The following AEBP2 variants were observed in gnomAD, a reference collection of about 807,000 sequenced individuals.
AEBP2 encodes the protein zinc finger protein AEBP2.
Under a neutral mutation model 50.8 loss-of-function variants are expected in AEBP2, and 10 were observed. The ratio of observed to expected loss-of-function variants is 0.20; its 90% CI spans 0.12 to 0.33. The LOEUF (loss-of-function observed/expected upper bound fraction) is 0.33. Ranked by LOEUF, AEBP2 falls within the 10% of genes least tolerant of loss-of-function variation. The pLI is 1.00. For synonymous variants in AEBP2, 296 were observed against 261.3 expected (o/e 1.13, Z -1.28); for missense variants, 570 against 688.0 (o/e 0.83, Z 1.92).
At chr12:19,449,281 C>A (rs923796936) in intron 1 of AEBP2, among the ~76,000 whole-genome samples, 1 of 151,844 alleles carries the variant, frequency 6.6e-6, no homozygotes, top group Non-Finnish European at 1.5e-5. Flanking sequence ...TTAAACATAC[C>A]ATCTTTGTGT....
chr12:19,513,419 A>C (rs1001231451), intron 6 of AEBP2, among the ~76,000 whole-genome samples: 4 of 152,210 alleles, frequency 2.6e-5, no homozygotes, highest in Non-Finnish European at 5.9e-5. Flanking sequence ...CAAGAATAGA[A>C]TAAATTTCAT....
chr12:19,471,914 A>G (rs1047349489), intron 2 of AEBP2, among the ~76,000 whole-genome samples: 1 of 152,092 alleles, frequency 6.6e-6, no homozygotes, highest in East Asian at 1.9e-4. Context: ...CTTGGCCATT[A>G]GTTTATAAAC....
chr12:19,492,595 A>G (rs191826696), intron 3 of AEBP2, among the ~76,000 whole-genome samples: 8 of 152,056 alleles, frequency 5.3e-5, no homozygotes, highest in African/African-American at 1.7e-4. Context: ...ACAAAATAAA[A>G]TAAAAAAAAT....
chr12:19,496,086 G>T (rs371933175), intron 4 of AEBP2, among the ~76,000 whole-genome samples: 38 of 152,196 alleles, frequency 2.5e-4, no homozygotes, highest in African/African-American at 9.2e-4. Flanking sequence ...TTTAGTCTCA[G>T]TGTATACAGT....
chr12:19,454,858 C>T (rs12230756), intron 1 of AEBP2, among the ~76,000 whole-genome samples: 159 of 152,246 alleles, frequency 1.0e-3, no homozygotes, highest in Admixed American at 1.8e-3. Flanking sequence ...AGAAGACTGC[C>T]GATAAGGCTT....
intron 1 of AEBP2, among the ~76,000 whole-genome samples, chr12:19,428,529 A>G (rs761827479): frequency 6.6e-6 from 1 of 152,220 alleles, no homozygotes; most frequent in African/African-American, 2.4e-5. Flanking sequence ...CAGAAACAAA[A>G]GGCTGGGTGC....
chr12:19,433,161 G>A (rs868392306), intron 1 of AEBP2, among the ~76,000 whole-genome samples: 6 of 152,132 alleles, frequency 3.9e-5, no homozygotes, highest in Non-Finnish European at 7.4e-5. Context: ...CAAGGCAGGC[G>A]GATCATTTGA....
intron 1 of AEBP2, among the ~76,000 whole-genome samples, chr12:19,447,927 A>T (rs1948101525): frequency 6.6e-6 from 1 of 152,240 alleles, no homozygotes; most frequent in South Asian, 2.1e-4. Context: ...TACTTTAAAT[A>T]CAGTTAAACA....
At chr12:19,466,464 A>G (rs1481028515) in intron 2 of AEBP2, among the ~76,000 whole-genome samples, 2 of 152,178 alleles carry the variant, frequency 1.3e-5, no homozygotes, top group African/African-American at 2.4e-5. Flanking sequence ...AAAAAGAACA[A>G]AAAACATTTT....
At chr12:19,439,432 G>GGGGCGC (rs1480487151), upstream of AEBP2, among the ~76,000 whole-genome samples, 3 of 150,894 alleles carry the variant, frequency 2.0e-5, no homozygotes, top group Non-Finnish European at 3.0e-5. Context: ...GGCGGGGGCG[G>GGGGCGC]GGGCGCAGAA....
At chr12:19,462,813 A>G in intron 2 of AEBP2, 96 bp downstream of exon 2, 1 of 1,160,580 alleles carries the variant, frequency 8.6e-7, no homozygotes. Context: ...GTAATTTGGG[A>G]TTATTTTTAC....
At position 19,500,631 on chromosome 12, in the gene AEBP2, AC is replaced by A. The variant is rs1172709952; in HGVS notation, c.1299+414del. On this transcript the variant is annotated intron_variant, in intron 5 of 7. Coordinates refer to ENST00000266508, the MANE Select transcript of AEBP2 (RefSeq NM_153207.5). ...TGTGTACTGCATGGAGCCACCTCTTACCCCACGTACCCATCCAAAGTTTATG... is the reference window on the plus strand; with the variant it reads ...TGTGTACTGCATGGAGCCACCTCTTACCCACGTACCCATCCAAAGTTTATG... 3.3e-5 allele frequency among the ~76,000 whole-genome samples: 5 copies of A among 152,172 alleles called. No homozygotes were observed. The South Asian group carries it at 8.3e-4, about 25-fold the overall frequency.
rs1947905820 is a variant in AEBP2 at position 19,439,678 on chromosome 12, AGG to A, written c.-21_-20del. 1 of 1,509,886 alleles carries A rather than the reference AGG, an allele frequency of 6.6e-7. No individual in the cohort carries two copies. The highest frequency in any genetic ancestry group is 8.8e-7 in the Non-Finnish European group (1 of 1,135,788). The allele number at this position is 1,509,886 out of a possible 1,614,324, so 93.5% of individuals were successfully genotyped here. On this transcript the variant is annotated 5_prime_UTR_variant, in exon 1 of 8. Coordinates refer to ENST00000266508, the MANE Select transcript of AEBP2 (RefSeq NM_153207.5). ...GGAGGCGGCGGTGGGGAGGAGGAGG[AGG>A]AGGAGGAGCAGGCGCCGCCATGGCC...
Position 19,518,467 on chromosome 12 carries a change from A to G in AEBP2, c.*350A>G, listed in dbSNP as rs973920613. On this transcript the variant is annotated 3_prime_UTR_variant, in exon 8 of 8. Transcript: ENST00000266508. ...TTTTTTTCTTTTCTTCCCTTTAGTGATTTCAGTAGTTTATATTGGAAAGAA... is the reference window on the plus strand; with the variant it reads ...TTTTTTTCTTTTCTTCCCTTTAGTGGTTTCAGTAGTTTATATTGGAAAGAA... The G allele has an allele frequency of 8.1e-7, 1 of 1,236,286 alleles. No homozygotes were observed. The highest frequency in any genetic ancestry group is 3.2e-5 in the East Asian group (1 of 31,176). The allele number at this position is 1,236,286 out of a possible 1,614,324, so 76.6% of individuals were successfully genotyped here.
intron 3 of AEBP2, among the ~76,000 whole-genome samples, chr12:19,483,171 G>C (rs150368786): frequency 1.1e-3 from 165 of 152,186 alleles, no homozygotes; most frequent in African/African-American, 3.7e-3. Flanking sequence ...TAATTCTACT[G>C]GCTGTCTTCT....
chr12:19,517,943 G>A (rs1464203602), intron 7 of AEBP2, 144 bp from the exon 8 acceptor site: 15 of 728,892 alleles, frequency 2.1e-5, no homozygotes, highest in Non-Finnish European at 3.1e-5. Flanking sequence ...AGATCCATAT[G>A]TATAAATGTT....
At chr12:19,408,659 T>C (rs1271453972) in intron 1 of AEBP2, among the ~76,000 whole-genome samples, 1 of 151,974 alleles carries the variant, frequency 6.6e-6, no homozygotes, top group African/African-American at 2.4e-5. Context: ...CCCAGCACTT[T>C]GGGAGGCCGA....
intron 5 of AEBP2, among the ~76,000 whole-genome samples, chr12:19,510,562 G>A (rs1356169630): frequency 6.6e-6 from 1 of 152,120 alleles, no homozygotes; most frequent in Non-Finnish European, 1.5e-5. Flanking sequence ...AAAAAATGAA[G>A]CGTACGTAAC....
chr12:19,514,039 G>A (rs1470069031), intron 6 of AEBP2, among the ~76,000 whole-genome samples: 12 of 149,810 alleles, frequency 8.0e-5, no homozygotes, highest in Admixed American at 6.0e-4. Flanking sequence ...TCACTTTGAC[G>A]CCCATGCTGC....
Sources: gnomAD v4.1 joint callset for allele counts (sites outside exome capture counted in the v4.1 genomes callset) on GRCh38, gnomAD v4.1.1 for gene constraint, MANE v1.5 for transcripts, NCBI Gene and HGNC (gene_info 2026-07-23, HGNC 2026-07-21) for gene names.